RBM19: variants seen among roughly 807,000 people sequenced by gnomAD.
RBM19 encodes RNA binding motif protein 19, also known as probable RNA-binding protein 19.
Under a neutral mutation model 116.8 loss-of-function variants are expected in RBM19, and 94 were observed. The ratio of observed to expected loss-of-function variants is 0.80; its 90% CI spans 0.68 to 0.95. RBM19 has a LOEUF of 0.95. Among genes scored for constraint, RBM19 ranks in the 40% least tolerant of loss-of-function variants. RBM19 has a pLI of 0.00. For synonymous variants in RBM19, 475 were observed against 494.1 expected (o/e 0.96, Z 0.51); for missense variants, 1,161 against 1,220.7 (o/e 0.95, Z 0.73).
chr12:113,937,120 A>AG lies in RBM19; in HGVS notation c.1954dup (p.Leu652ProfsTer41). On this transcript the variant is annotated frameshift_variant, in exon 16 of 24. Coordinates refer to ENST00000261741, the MANE Select transcript of RBM19 (RefSeq NM_016196.4). LOFTEE classifies it high-confidence loss of function. ...GCCAACTGGAGCCCACTCCAGATAG[A>AG]GGGGGACATGATGGAACTGCAGAGA... is the stretch of plus-strand genomic sequence containing the variant. 1 of 1,614,082 alleles carries AG rather than the reference A, an allele frequency of 6.2e-7. No individual in the cohort carries two copies. The highest frequency in any genetic ancestry group is 8.5e-7 in the Non-Finnish European group (1 of 1,179,982).
intron 21 of RBM19, among the ~76,000 whole-genome samples, chr12:113,891,666 C>CT (rs1422740420): frequency 2.5e-4 from 38 of 152,186 alleles, no homozygotes; most frequent in African/African-American, 8.9e-4. Context: ...AATTCACTGA[C>CT]TTTTTCTTTT....
At chr12:113,958,827 C>T (rs1402033162) in intron 5 of RBM19, among the ~76,000 whole-genome samples, 1 of 152,104 alleles carries the variant, frequency 6.6e-6, no homozygotes, top group Non-Finnish European at 1.5e-5. Flanking sequence ...TCTCCTGTCG[C>T]CTTTCCTGCT....
intron 21 of RBM19, among the ~76,000 whole-genome samples, chr12:113,864,899 C>T (rs563181728): frequency 6.6e-6 from 1 of 152,210 alleles, no homozygotes; most frequent in South Asian, 2.1e-4. Context: ...GCCACTCCCA[C>T]AGTGGGTTTC....
chr12:113,823,571 G>C lies in RBM19; in HGVS notation c.2786-250C>G, dbSNP rs148520785. ...TAAGGAGTAGGGGAGAGAATCAAAG[G>C]GGAAATGAGGAGGAGAGAGAAACAC... On this transcript the variant is annotated intron_variant, in intron 23 of 23. Coordinates refer to ENST00000261741, the MANE Select transcript of RBM19 (RefSeq NM_016196.4). Among the ~76,000 whole-genome samples, 814 of 152,100 alleles carry C rather than the reference G, an allele frequency of 5.4e-3. 5 individuals are homozygous for C. Among genetic ancestry groups the C allele is most frequent in the African/African-American group, 0.018 (767 of 41,470 alleles).
intron 21 of RBM19, among the ~76,000 whole-genome samples, chr12:113,871,893 C>G (rs1311854514): frequency 6.6e-6 from 1 of 151,976 alleles, no homozygotes; most frequent in Non-Finnish European, 1.5e-5. Context: ...AAGGAGCAGC[C>G]GCCTGCCTTG....
At chr12:113,947,228 C>T in intron 11 of RBM19, 106 bp downstream of exon 11, 1 of 1,382,822 alleles carries the variant, frequency 7.2e-7, no homozygotes, top group Non-Finnish European at 9.6e-7. Context: ...TTCTTAGGCC[C>T]ACAAAGTGGA....
At chr12:113,889,141 T>C (rs2135803494) in intron 21 of RBM19, among the ~76,000 whole-genome samples, 1 of 152,312 alleles carries the variant, frequency 6.6e-6, no homozygotes, top group South Asian at 2.1e-4. Context: ...CCACAGTCTC[T>C]CGGCCCCATC....
At chr12:113,821,929 G>A (rs1479130123), downstream of RBM19, 1 of 152,068 alleles carries the variant, frequency 6.6e-6, no homozygotes, top group Non-Finnish European at 1.5e-5. Flanking sequence ...CCGAAAACTG[G>A]ATGAAGACTG....
chr12:113,830,570 C>CGGGG (rs869235673), intron 23 of RBM19, among the ~76,000 whole-genome samples: 15 of 7,830 alleles, frequency 1.9e-3, no homozygotes, highest in African/African-American at 2.2e-3. Flanking sequence ...GCTAGGGCTG[C>CGGGG]GGGGCGGGGG....
intron 21 of RBM19, among the ~76,000 whole-genome samples, chr12:113,862,726 C>T (rs991589475): frequency 1.3e-5 from 2 of 152,250 alleles, no homozygotes; most frequent in Admixed American, 1.3e-4. Context: ...CCCAACTCTG[C>T]CGCTCGGGGG....
chr12:113,937,067 TC>T lies in RBM19; in HGVS notation c.2007del (p.Lys671SerfsTer76). On this transcript the variant is annotated frameshift_variant, in exon 16 of 24. Coordinates refer to ENST00000261741, the MANE Select transcript of RBM19 (RefSeq NM_016196.4). LOFTEE classifies it high-confidence loss of function. ...TCTGAAGGTGTGTCTTGGAGCTTTTTCTTCTGTGGGGCTGTGCTGGAGAAGA... is the reference window on the plus strand; with the variant it reads ...TCTGAAGGTGTGTCTTGGAGCTTTTTTTCTGTGGGGCTGTGCTGGAGAAGA... ...VGVFSSTAPQ[K>X]KKLQDTPSEP... 1 of 1,614,180 alleles carries T rather than the reference TC, an allele frequency of 6.2e-7. No homozygotes were observed. The highest frequency in any genetic ancestry group is 8.5e-7 in the Non-Finnish European group (1 of 1,180,024).
chr12:113,899,800 T>A (rs1593552737), intron 21 of RBM19, among the ~76,000 whole-genome samples: 1 of 148,708 alleles, frequency 6.7e-6, no homozygotes, highest in East Asian at 1.9e-4. Flanking sequence ...TGGGGCTCCC[T>A]GCTGCCTTTC....
intron 23 of RBM19, among the ~76,000 whole-genome samples, chr12:113,841,893 A>G (rs1334381836): frequency 6.6e-6 from 1 of 152,192 alleles, no homozygotes; most frequent in African/African-American, 2.4e-5. Flanking sequence ...CACTGAGATG[A>G]TGCCGGTGTG....
intron 21 of RBM19, among the ~76,000 whole-genome samples, chr12:113,863,214 TG>T: frequency 2.5e-5 from 1 of 40,288 alleles, no homozygotes; most frequent in East Asian, 7.9e-4. Context: ...CGTGTGTCTG[TG>T]TGTGTGTGTG....
intron 15 of RBM19, among the ~76,000 whole-genome samples, chr12:113,938,107 A>G (rs1447484359): frequency 6.6e-6 from 1 of 152,150 alleles, no homozygotes; most frequent in Non-Finnish European, 1.5e-5. Context: ...TGAAACAGAC[A>G]CTGCCCAAAA....
chr12:113,957,076 G>T (rs1193646429), intron 6 of RBM19, among the ~76,000 whole-genome samples: 1 of 152,210 alleles, frequency 6.6e-6, no homozygotes. Flanking sequence ...TGGGATATGG[G>T]TGTGTTGACC....
chr12:113,918,169 C>T (rs2279051), intron 20 of RBM19, among the ~76,000 whole-genome samples: 29,135 of 151,016 alleles, frequency 0.19, 3,301 homozygotes, highest in East Asian at 0.52. Context: ...GTGCATTAAA[C>T]ATTCACCCAA....
At chr12:113,931,502 C>T (rs1869596746) in intron 16 of RBM19, among the ~76,000 whole-genome samples, 1 of 152,158 alleles carries the variant, frequency 6.6e-6, no homozygotes, top group Non-Finnish European at 1.5e-5. Flanking sequence ...CTCCACATGC[C>T]AGGCCATGGC....
intron 14 of RBM19, among the ~76,000 whole-genome samples, chr12:113,940,911 C>T (rs1455197700): frequency 1.3e-5 from 2 of 152,134 alleles, no homozygotes; most frequent in Admixed American, 6.5e-5. Context: ...TTCACAGGAT[C>T]GCTCCAGGAA....
Sources: allele counts gnomAD v4.1 joint callset (sites outside exome capture counted in the v4.1 genomes callset), GRCh38; gene constraint gnomAD v4.1.1; transcripts MANE v1.5; gene names NCBI Gene and HGNC (gene_info 2026-07-23, HGNC 2026-07-21).